The following WNK1 variants were observed in gnomAD, a reference collection of about 807,000 sequenced individuals.
WNK1 encodes WNK lysine deficient protein kinase 1, also known as serine/threonine-protein kinase WNK1.
WNK1 carries 38 observed loss-of-function variants against 222.8 expected under a neutral mutation model. The observed-to-expected ratio is 0.17, with a 90% CI of 0.13 to 0.22. WNK1 has a LOEUF of 0.22. Among genes scored for constraint, WNK1 ranks in the 10% least tolerant of loss-of-function variants. The pLI, the probability that WNK1 is intolerant of heterozygous loss-of-function variation, is 1.00. For synonymous variants in WNK1, 1,090 were observed against 1,092.9 expected, an observed-to-expected ratio of 1.00 and a Z score of 0.05; for missense variants, 2,348 against 2,918.4, an observed-to-expected ratio of 0.80 and a Z score of 4.50.
chr12:761,677 T>C (rs1161488007), intron 1 of WNK1, among the ~76,000 whole-genome samples: 1 of 147,856 alleles, frequency 6.8e-6, no homozygotes, highest in Non-Finnish European at 1.5e-5. Flanking sequence ...AGATAGAGAT[T>C]AACAGATTTC....
rs149529239 is a variant in WNK1, at chr12:756,744, T to C, written c.759+2420T>C. 2.2e-4 allele frequency among the ~76,000 whole-genome samples: 34 copies of C among 152,310 alleles called. 1 individual carries two copies. The East Asian group carries it at 6.0e-3, about 27-fold the overall frequency. On this transcript the variant is annotated intron_variant, in intron 1 of 27. Coordinates refer to ENST00000315939, the MANE Select transcript of WNK1 (RefSeq NM_018979.4). ...TTGAACTTTTATCTTTGGAGCCAAATTAAAGGACAAGCCAAGGGATTACTA... is the reference window on the plus strand; with the variant it reads ...TTGAACTTTTATCTTTGGAGCCAAACTAAAGGACAAGCCAAGGGATTACTA...
At chr12:902,192 A>C (rs913650322) in intron 26 of WNK1, among the ~76,000 whole-genome samples, 4 of 151,706 alleles carry the variant, frequency 2.6e-5, no homozygotes, top group Non-Finnish European at 4.4e-5. Flanking sequence ...CCAGCTGCCC[A>C]GGAGGCTGAG....
In WNK1 at chr12:859,234, C is replaced by G. The variant is rs11064573; in HGVS notation, c.1401-11C>G. The G allele has an allele frequency of 1.2e-6, 2 of 1,601,510 alleles. No homozygotes were observed. The highest frequency in any genetic ancestry group is 1.7e-6 in the Non-Finnish European group (2 of 1,169,096). On this transcript the variant is annotated splice_polypyrimidine_tract_variant and intron_variant, in intron 5 of 27. Coordinates refer to ENST00000315939, the MANE Select transcript of WNK1 (RefSeq NM_018979.4). Reference sequence around the variant, plus strand: ...TATTTTTGTTCCTTTTCTTTTCCCTCTGTTTGGAAGATATTCCATCAAAGA... The same window carrying G: ...TATTTTTGTTCCTTTTCTTTTCCCTGTGTTTGGAAGATATTCCATCAAAGA...
intron 1 of WNK1, among the ~76,000 whole-genome samples, chr12:771,199 G>A (rs976094184): frequency 8.6e-5 from 13 of 151,528 alleles, no homozygotes; most frequent in East Asian, 3.9e-4. Context: ...GGGTTTCACC[G>A]TGTTAGCCAG....
rs1337693394 is a variant in WNK1 at position 757,895 on chromosome 12, G to C, written c.759+3571G>C. Among the ~76,000 whole-genome samples the C allele has an allele frequency of 1.4e-5, 2 of 145,706 alleles. 1 individual carries two copies. Among genetic ancestry groups the C allele is most frequent in the Non-Finnish European group, 3.1e-5 (2 of 65,290 alleles). On this transcript the variant is annotated intron_variant, in intron 1 of 27. Transcript: ENST00000315939. ...TACTAAAAATACAAAAATTAGCTGG[G>C]CGTGGTCCGCACGCCTGTAATCCCA...
Position 908,644 on chromosome 12 carries a change from G to T in WNK1, c.7001G>T (p.Gly2334Val). 6.2e-7 allele frequency: 1 copy of T among 1,614,152 alleles called. No homozygotes were observed. The highest frequency in any genetic ancestry group is 2.2e-5 in the East Asian group (1 of 44,882). Residue 2334 changes from glycine to valine, a missense_variant, in exon 28 of 28, where the codon GGC (glycine) becomes GTC (valine). Physicochemically the swap from Gly to Val is moderately radical, Grantham distance 109. Coordinates refer to ENST00000315939, the MANE Select transcript of WNK1 (RefSeq NM_018979.4). ...TATGGCTTTCCAGCTACCCCATTTG[G>T]CGCTCAATGGAGTGGGACGGGTGGC... ...QQYGFPATPF[G>V]AQWSGTGGPA...
chr12:878,447 A>G, intron 10 of WNK1, 86 bp downstream of exon 10: 2 of 1,434,406 alleles, frequency 1.4e-6, no homozygotes, highest in Non-Finnish European at 1.9e-6. Context: ...TTGTCCTTTC[A>G]TGTGGATAGA....
At chr12:794,672 T>A (rs1467322528) in intron 1 of WNK1, among the ~76,000 whole-genome samples, 1 of 152,192 alleles carries the variant, frequency 6.6e-6, no homozygotes, top group East Asian at 1.9e-4. Context: ...TAATCCTTTT[T>A]AGTTGCTGGA....
chr12:862,388 T>C (rs1031861004), intron 8 of WNK1, 118 bp downstream of exon 8: 5 of 1,143,270 alleles, frequency 4.4e-6, no homozygotes, highest in Admixed American at 2.0e-5. Flanking sequence ...AAATATAAAA[T>C]GCTGTGTCTC....
At chr12:778,985 G>A (rs1356045213) in intron 1 of WNK1, among the ~76,000 whole-genome samples, 2 of 152,078 alleles carry the variant, frequency 1.3e-5, no homozygotes, top group Non-Finnish European at 2.9e-5. Context: ...AAACAATAAT[G>A]GGGAGTATTG....
chr12:896,385 G>C lies in WNK1; in HGVS notation c.5898G>C (p.Lys1966Asn). ...GRFSVSKTEDKITDTKKEGPV... is the reference protein window; with the variant it reads ...GRFSVSKTEDNITDTKKEGPV... Reference sequence around the variant, plus strand: ...TCTCTGTATCAAAAACTGAGGACAAGATCACTGACACAAAGAAAGAAGGAC... The same window carrying C: ...TCTCTGTATCAAAAACTGAGGACAACATCACTGACACAAAGAAAGAAGGAC... The change falls in exon 24 of 28, where the codon AAG (lysine) becomes AAC (asparagine). Residue 1966 changes from lysine (K) to asparagine (N), a missense_variant. Transcript: ENST00000315939. The C allele has an allele frequency of 6.2e-7, 1 of 1,614,114 alleles. No individual in the cohort carries two copies. The highest frequency in any genetic ancestry group is 8.5e-7 in the Non-Finnish European group (1 of 1,180,016).
At chr12:772,338 A>G (rs932462374) in intron 1 of WNK1, among the ~76,000 whole-genome samples, 8 of 152,198 alleles carry the variant, frequency 5.3e-5, no homozygotes, top group Non-Finnish European at 1.2e-4. Flanking sequence ...GCATTTTCCC[A>G]TTTAAGATCT....
intron 2 of WNK1, among the ~76,000 whole-genome samples, chr12:826,051 G>A (rs1416989953): frequency 6.6e-6 from 1 of 152,096 alleles, no homozygotes; most frequent in African/African-American, 2.4e-5. Flanking sequence ...TAGAGATTTG[G>A]GCAGAGTGGA....
intron 1 of WNK1, among the ~76,000 whole-genome samples, chr12:763,256 A>G (rs535230153): frequency 3.4e-5 from 5 of 147,604 alleles, no homozygotes; most frequent in African/African-American, 1.2e-4. Context: ...TCGAGATTTC[A>G]TCACACTAGT....
At position 892,225 on chromosome 12, in the gene WNK1, C is replaced by T. The variant is rs139758819; in HGVS notation, c.5509+1712C>T. The stretch of plus-strand genomic sequence containing the variant: ...ATATCTCCTAATGCCATCCCTCCCC[C>T]GTCCCAAGGGGATTTTTTTCAACTA... On this transcript the variant is annotated intron_variant, in intron 22 of 27. Transcript: ENST00000315939. Among the ~76,000 whole-genome samples the T allele has an allele frequency of 4.4e-4, 67 of 152,114 alleles. No individual in the cohort carries two copies. The East Asian group carries it at 0.012, about 26-fold the overall frequency.
At chr12:786,094 T>G (rs545303234) in intron 1 of WNK1, among the ~76,000 whole-genome samples, 1 of 152,292 alleles carries the variant, frequency 6.6e-6, no homozygotes, top group South Asian at 2.1e-4. Flanking sequence ...TTGTAAAAAT[T>G]GAAGTTCTAT....
At position 907,442 on chromosome 12, in the gene WNK1, A is replaced by G. The variant is rs150844820; in HGVS notation, c.6644-405A>G. 3.5e-3 allele frequency among the ~76,000 whole-genome samples: 534 copies of G among 152,358 alleles called. 3 individuals are homozygous for G. Among genetic ancestry groups the G allele is most frequent in the Non-Finnish European group, 6.0e-3 (410 of 68,030 alleles). On this transcript the variant is annotated intron_variant, in intron 26 of 27. Coordinates refer to ENST00000315939, the MANE Select transcript of WNK1 (RefSeq NM_018979.4). ...CTTTAACCGTGCCCAATGCACAAGA[A>G]AACCTCTTTTTCCCTGCATTCTGCA...
chr12:844,216 A>C (rs1222566755), intron 4 of WNK1, among the ~76,000 whole-genome samples: 2 of 151,460 alleles, frequency 1.3e-5, no homozygotes, highest in African/African-American at 4.9e-5. Context: ...CCTGCAACCT[A>C]CGCCTCCTGG....
chr12:901,061 G>A (rs575917264), intron 26 of WNK1: 218 of 325,796 alleles, frequency 6.7e-4, no homozygotes, highest in Non-Finnish European at 6.6e-5. Flanking sequence ...AAGTATGGGA[G>A]TGGCATACTA....
Sources: allele counts gnomAD v4.1 joint callset (sites outside exome capture counted in the v4.1 genomes callset), GRCh38; gene constraint gnomAD v4.1.1; transcripts MANE v1.5; gene names NCBI Gene and HGNC (gene_info 2026-07-23, HGNC 2026-07-21).